The following SPTA1 variants were observed in gnomAD, a reference collection of about 807,000 sequenced individuals.
The protein encoded by SPTA1 is spectrin alpha chain, erythrocytic 1.
A neutral mutation model predicts 324.7 loss-of-function variants in SPTA1; 177 were observed. The observed-to-expected ratio is 0.55, with a 90% CI of 0.48 to 0.62. The LOEUF is 0.62. Ranked by LOEUF, SPTA1 falls within the 20% of genes least tolerant of loss-of-function variation. SPTA1 has a pLI of 0.00. For missense variants in SPTA1, 3,162 were observed against 2,883.6 expected (o/e 1.10, Z -2.21); for synonymous variants, 1,195 against 1,041.3 (o/e 1.15, Z -2.84).
chr1:158,676,082 G>T, intron 8 of SPTA1, 59 bp downstream of exon 8: 6 of 1,605,408 alleles, frequency 3.7e-6, no homozygotes, highest in Non-Finnish European at 5.1e-6. Context: ...TTCTTCTCTC[G>T]CTATTATATC....
At chr1:158,662,053 C>G (rs1012366853) in intron 17 of SPTA1, among the ~76,000 whole-genome samples, 25 of 152,250 alleles carry the variant, frequency 1.6e-4, no homozygotes, top group African/African-American at 5.8e-4. Flanking sequence ...TTACTACTTC[C>G]CATTCAAAAT....
At chr1:158,673,723 G>A (rs378557) in intron 10 of SPTA1, among the ~76,000 whole-genome samples, 50,116 of 151,982 alleles carry the variant, frequency 0.33, 9,393 homozygotes, top group South Asian at 0.54. Flanking sequence ...CTGGGCATAC[G>A]TCAGGAGGCA....
At chr1:158,647,423 TG>T in intron 27 of SPTA1, 115 bp downstream of exon 27, 1 of 1,298,042 alleles carries the variant, frequency 7.7e-7, no homozygotes, top group East Asian at 2.3e-5. Flanking sequence ...TTGCAAGAGG[TG>T]AGACTTAAAC....
rs757147440 is a variant in SPTA1, at chr1:158,656,669, A to G, written c.2806-13T>C. 5 of 1,602,476 alleles carry G rather than the reference A, an allele frequency of 3.1e-6. No individual in the cohort carries two copies. Among genetic ancestry groups the G allele is most frequent in the South Asian group, 2.2e-5 (2 of 90,858 alleles). On this transcript the variant is annotated splice_polypyrimidine_tract_variant and intron_variant, in intron 19 of 51. Transcript: ENST00000643759. ...TCTTTAGAAGAGCCTGCATTTATTG[A>G]TGGAAGATCATCAGAATGAATATAG...
intron 42 of SPTA1, among the ~76,000 whole-genome samples, 168 bp from the exon 43 acceptor site, chr1:158,623,360 G>C (rs935236544): frequency 6.6e-6 from 1 of 152,194 alleles, no homozygotes; most frequent in Non-Finnish European, 1.5e-5. Context: ...GGGGCTGAAA[G>C]CTCCAGTTTA....
intron 39 of SPTA1, among the ~76,000 whole-genome samples, chr1:158,629,170 A>T (rs1339790564): frequency 2.1e-5 from 3 of 142,096 alleles, no homozygotes; most frequent in East Asian, 2.1e-4. Context: ...ATGTCTATCA[A>T]GAGAGACAAA....
In SPTA1 at chr1:158,611,450, G is replaced by A; in HGVS notation, c.7135-61C>T. ...GGATTCAAAATAGCTGGTTCCTTGG[G>A]GCTTCCCATATTACGCCATAAATGC... On this transcript the variant is annotated intron_variant, in intron 51 of 51. Coordinates refer to ENST00000643759, the MANE Select transcript of SPTA1 (RefSeq NM_003126.4). The A allele has an allele frequency of 3.7e-6, 6 of 1,602,252 alleles. No homozygotes were observed. The South Asian group carries it at 6.6e-5, about 18-fold the overall frequency.
At chr1:158,681,780 C>T (rs1654839223) in intron 3 of SPTA1, 113 bp from the exon 4 acceptor site, 1 of 1,348,658 alleles carries the variant, frequency 7.4e-7, no homozygotes, top group Non-Finnish European at 1.0e-6. Context: ...GTTACTCATG[C>T]ATTAGTTGCT....
intron 45 of SPTA1, 133 bp downstream of exon 45, chr1:158,619,089 A>T: frequency 1.1e-6 from 1 of 875,614 alleles, no homozygotes; most frequent in Non-Finnish European, 1.9e-6. Flanking sequence ...TATAAAGCAT[A>T]GGCAAGATAT....
Position 158,612,906 on chromosome 1 carries a change from C to T in SPTA1, c.7045G>A (p.Glu2349Lys). ...ATTTCATCACTGGACTTGATGTTTT[C>T]TGACTCCTTGTCAATCAGGAAAGCA... Reference protein sequence around the residue: ...YTAFLIDKESENIKSSDEIEN... With the variant: ...YTAFLIDKESKNIKSSDEIEN... The change falls in exon 51 of 52, where the codon GAA becomes AAA. Residue 2349 changes from glutamate (E) to lysine (K), a missense_variant. By Grantham distance (56) the Glu-to-Lys change is moderately conservative (BLOSUM62 1). Transcript: ENST00000643759. The T allele has an allele frequency of 1.9e-6, 3 of 1,613,964 alleles. No homozygotes were observed. Among genetic ancestry groups the T allele is most frequent in the Non-Finnish European group, 2.5e-6 (3 of 1,179,910 alleles).
chr1:158,657,010 A>T (rs888756038), intron 19 of SPTA1, among the ~76,000 whole-genome samples: 1 of 152,216 alleles, frequency 6.6e-6, no homozygotes, highest in African/African-American at 2.4e-5. Flanking sequence ...GGTTTGTGAA[A>T]TACTATACCA....
At position 158,622,357 on chromosome 1, in the gene SPTA1, T is replaced by G. The variant is rs147780470; in HGVS notation, c.6120+626A>C. Among the ~76,000 whole-genome samples, 927 of 152,124 alleles carry G rather than the reference T, an allele frequency of 6.1e-3. 8 individuals carry two copies. Among genetic ancestry groups the G allele is most frequent in the African/African-American group, 0.021 (856 of 41,528 alleles). ...ATTAATGTACATATATTTAGGTACATATAATGTACATATAATTATGTATTA... is the reference window on the plus strand; with the variant it reads ...ATTAATGTACATATATTTAGGTACAGATAATGTACATATAATTATGTATTA... On this transcript the variant is annotated intron_variant, in intron 43 of 51. Transcript: ENST00000643759.
At chr1:158,630,505 CT>C (rs1650599425) in intron 39 of SPTA1, among the ~76,000 whole-genome samples, 1 of 151,982 alleles carries the variant, frequency 6.6e-6, no homozygotes, top group Non-Finnish European at 1.5e-5. Flanking sequence ...TGTTTAAAGA[CT>C]TAAATGTAAG....
chr1:158,632,065 T>C (rs1007225137), intron 39 of SPTA1, among the ~76,000 whole-genome samples: 4 of 152,100 alleles, frequency 2.6e-5, no homozygotes, highest in Non-Finnish European at 5.9e-5. Flanking sequence ...AACAGATGAA[T>C]GAATGAAAAA....
chr1:158,652,668 G>T lies in SPTA1; in HGVS notation c.3189-15C>A. 1 of 1,613,882 alleles carries T rather than the reference G, an allele frequency of 6.2e-7. No individual in the cohort carries two copies. Among genetic ancestry groups the T allele is most frequent in the Non-Finnish European group, 8.5e-7 (1 of 1,179,974 alleles). On this transcript the variant is annotated splice_polypyrimidine_tract_variant and intron_variant, in intron 22 of 51. Transcript: ENST00000643759. The stretch of plus-strand genomic sequence containing the variant: ...GGGAGCGGTATCTGGATGGAGAATT[G>T]GGAAAAGTGGAATAAAAGAAGGAGA...
chr1:158,652,639 A>T lies in SPTA1; in HGVS notation c.3203T>A (p.Leu1068Ter), dbSNP rs1246762632. 1 of 1,614,140 alleles carries T rather than the reference A, an allele frequency of 6.2e-7. No individual in the cohort carries two copies. Among genetic ancestry groups the T allele is most frequent in the Non-Finnish European group, 8.5e-7 (1 of 1,180,028 alleles). ...EQIENQYRSL[L>*]DRAEERRRRL... ...ACGTCTGCGTTCTTCTGCCCGATCCAAGAGGGAGCGGTATCTGGATGGAGA... is the reference window on the plus strand; with the variant it reads ...ACGTCTGCGTTCTTCTGCCCGATCCTAGAGGGAGCGGTATCTGGATGGAGA... The change falls in exon 23 of 52, where the codon TTG (leucine) becomes TAG (stop). Residue 1068 changes from leucine to a stop codon, truncating the protein, a stop_gained. Coordinates refer to ENST00000643759, the MANE Select transcript of SPTA1 (RefSeq NM_003126.4). LOFTEE classifies it high-confidence loss of function.
At position 158,661,159 on chromosome 1, in the gene SPTA1, A is replaced by G. The variant is rs1251031207; in HGVS notation, c.2587+128T>C. ...ATATGCCCATTTGTCAGAAATGCCA[A>G]AAGAGCATTAAGTGGGAAAATGAGT... On this transcript the variant is annotated intron_variant, in intron 18 of 51. Transcript: ENST00000643759. The G allele has an allele frequency of 8.3e-6, 12 of 1,444,318 alleles. No homozygotes were observed. In the African/African-American group the frequency reaches 1.5e-4, roughly 19 times the overall value. The allele number at this position is 1,444,318 out of a possible 1,614,324, so 89.5% of individuals were successfully genotyped here.
At chr1:158,685,011 C>T in intron 2 of SPTA1, 97 bp downstream of exon 2, 2 of 1,416,060 alleles carry the variant, frequency 1.4e-6, no homozygotes, top group East Asian at 4.6e-5. Context: ...TCTAATTGTA[C>T]CCACACATAC....
chr1:158,611,580 G>A (rs1239427712), intron 51 of SPTA1, 191 bp from the exon 52 acceptor site: 2 of 552,672 alleles, frequency 3.6e-6, no homozygotes, highest in Non-Finnish European at 6.2e-6. Flanking sequence ...TTTAATCTCA[G>A]CCCTTTCTTG....
Sources: allele counts gnomAD v4.1 joint callset (sites outside exome capture counted in the v4.1 genomes callset), GRCh38; gene constraint gnomAD v4.1.1; transcripts MANE v1.5; gene names NCBI Gene and HGNC (gene_info 2026-07-23, HGNC 2026-07-21).